Variants in EFCAB3 observed in about 807,000 individuals in gnomAD.
EFCAB3 encodes the protein EF-hand calcium-binding domain-containing protein 3.
EFCAB3 carries 36 observed loss-of-function variants against 42.2 expected under a neutral mutation model. That is an observed-to-expected ratio of 0.85 (90% CI 0.65 to 1.13). The LOEUF is 1.13. EFCAB3 is among the 50% of genes most tolerant of loss of function. EFCAB3 has a pLI of 0.00. For missense variants in EFCAB3, 418 were observed against 505.1 expected, an observed-to-expected ratio of 0.83 and a Z score of 1.65; for synonymous variants, 170 against 172.8, an observed-to-expected ratio of 0.98 and a Z score of 0.13.
intron 6 of EFCAB3, among the ~76,000 whole-genome samples, chr17:62,400,727 C>T (rs1436420187): frequency 6.6e-6 from 1 of 152,126 alleles, no homozygotes; most frequent in East Asian, 1.9e-4. Context: ...GATTTATAAT[C>T]ATTTGGGTAT....
At chr17:62,398,510 A>G (rs1052604902) in intron 6 of EFCAB3, among the ~76,000 whole-genome samples, 1 of 151,588 alleles carries the variant, frequency 6.6e-6, no homozygotes, top group South Asian at 2.1e-4. Context: ...AAAAAAAAAA[A>G]AAACAAAAAA....
In EFCAB3 at chr17:62,407,204, A is replaced by G. The variant is rs1218916269; in HGVS notation, c.859A>G (p.Lys287Glu). ...TTATTTTTTCCATAAAAGAGACTGG[A>G]AAACACAGGTGAGATTTAGATTATG... ...EDYFFHKRDW[K>E]TQAANIKSMD... Residue 287 changes from lysine (K) to glutamate (E), a missense_variant, in exon 8 of 10, where the codon AAA (lysine) becomes GAA (glutamate). By Grantham distance (56) the Lys-to-Glu change is moderately conservative. Coordinates refer to ENST00000305286, the MANE Select transcript of EFCAB3 (RefSeq NM_173503.4). 3 of 1,582,808 alleles carry G rather than the reference A, an allele frequency of 1.9e-6. No individual in the cohort carries two copies. The highest frequency in any genetic ancestry group is 2.6e-6 in the Non-Finnish European group (3 of 1,169,172).
upstream of EFCAB3, among the ~76,000 whole-genome samples, chr17:62,380,144 G>A (rs1001987896): frequency 3.3e-5 from 5 of 152,130 alleles, no homozygotes; most frequent in African/African-American, 1.2e-4. Context: ...TGGGATTACA[G>A]GTGTGCACCA....
intron 6 of EFCAB3, among the ~76,000 whole-genome samples, chr17:62,398,785 G>C (rs1002665743): frequency 3.3e-5 from 5 of 152,092 alleles, no homozygotes; most frequent in African/African-American, 1.2e-4. Flanking sequence ...TAAATATACG[G>C]AAGTAACATA....
At chr17:62,373,523 A>C (rs2070128995) in intron 1 of EFCAB3, among the ~76,000 whole-genome samples, 2 of 151,894 alleles carry the variant, frequency 1.3e-5, no homozygotes, top group South Asian at 4.2e-4. Context: ...CAGGAGGCTG[A>C]GGTGAGAGTA....
At chr17:62,384,903 C>G (rs2070235251) in intron 2 of EFCAB3, among the ~76,000 whole-genome samples, 1 of 152,154 alleles carries the variant, frequency 6.6e-6, no homozygotes, top group Admixed American at 6.6e-5. Flanking sequence ...ATGAGGCATT[C>G]AACACTTTAT....
chr17:62,395,455 C>T (rs1054470103), intron 6 of EFCAB3, among the ~76,000 whole-genome samples: 2 of 152,168 alleles, frequency 1.3e-5, no homozygotes, highest in African/African-American at 2.4e-5. Context: ...AAATTTTAGC[C>T]TCCTCTATCT....
At chr17:62,381,298 T>G (rs978429762) in intron 1 of EFCAB3, among the ~76,000 whole-genome samples, 7 of 152,054 alleles carry the variant, frequency 4.6e-5, no homozygotes, top group African/African-American at 1.7e-4. Context: ...GGTTTCCAGC[T>G]TCATCCATGT....
rs371653126 is a variant in EFCAB3, at chr17:62,400,769, G to C, written c.488+5581G>C. Among the ~76,000 whole-genome samples the C allele has an allele frequency of 5.3e-5, 8 of 152,226 alleles. No homozygotes were observed. In the East Asian group the frequency reaches 1.5e-3, roughly 29 times the overall value. Reference sequence around the variant, plus strand: ...AGTAATGGGATTGCTGGGTCAAATGGTATTTCTATTTCTAGATCCTTGAGG... The same window carrying C: ...AGTAATGGGATTGCTGGGTCAAATGCTATTTCTATTTCTAGATCCTTGAGG... On this transcript the variant is annotated intron_variant, in intron 6 of 9. Transcript: ENST00000305286.
intron 3 of EFCAB3, among the ~76,000 whole-genome samples, chr17:62,389,911 T>C (rs889236731): frequency 2.0e-5 from 3 of 152,046 alleles, no homozygotes; most frequent in Non-Finnish European, 4.4e-5. Flanking sequence ...CTCAGCCTCT[T>C]GAGTAGCTGG....
chr17:62,398,234 C>G (rs2070369288), intron 6 of EFCAB3: 1 of 160,226 alleles, frequency 6.2e-6, no homozygotes. Context: ...CAGGTGGATT[C>G]CTTGAAGCCA....
At chr17:62,396,140 T>A (rs576910443) in intron 6 of EFCAB3, among the ~76,000 whole-genome samples, 1 of 152,260 alleles carries the variant, frequency 6.6e-6, no homozygotes, top group Admixed American at 6.5e-5. Flanking sequence ...TATAGGACAA[T>A]TGTGGGGCTG....
chr17:62,379,739 A>G (rs887456979), upstream of EFCAB3, among the ~76,000 whole-genome samples: 6 of 152,154 alleles, frequency 3.9e-5, no homozygotes, highest in South Asian at 2.1e-4. Context: ...TAGACTAAAG[A>G]CACTCCTAAC....
rs374368651 is a variant in EFCAB3 at position 62,391,792 on chromosome 17, G to A, written c.152-30G>A. ...TGTATGTACTTCTTCTTGAACAACT[G>A]TCCTGAATAACTTAATCCTATCTCC... On this transcript the variant is annotated intron_variant, in intron 3 of 9. Coordinates refer to ENST00000305286, the MANE Select transcript of EFCAB3 (RefSeq NM_173503.4). 5.6e-6 allele frequency: 9 copies of A among 1,610,114 alleles called. No individual in the cohort carries two copies. In the African/African-American group the frequency reaches 9.4e-5, roughly 17 times the overall value.
At chr17:62,372,712 C>T (rs2070122789) in intron 1 of EFCAB3, among the ~76,000 whole-genome samples, 1 of 152,204 alleles carries the variant, frequency 6.6e-6, no homozygotes, top group South Asian at 2.1e-4. Flanking sequence ...TATCCTGCCT[C>T]TAAAAAGGCA....
At chr17:62,374,842 G>A (rs1026922289) in intron 2 of EFCAB3, among the ~76,000 whole-genome samples, 13 of 152,202 alleles carry the variant, frequency 8.5e-5, no homozygotes, top group Non-Finnish European at 2.9e-5. Flanking sequence ...GCAGGGCATG[G>A]TGGCTCACTT....
chr17:62,387,187 A>G (rs2070259414), intron 2 of EFCAB3, among the ~76,000 whole-genome samples, 153 bp from the exon 3 acceptor site: 1 of 152,190 alleles, frequency 6.6e-6, no homozygotes, highest in Admixed American at 6.5e-5. Flanking sequence ...TCCTGTAGCT[A>G]TGGGCTATCC....
chr17:62,374,808 CTG>C (rs1435789721), intron 2 of EFCAB3, among the ~76,000 whole-genome samples: 1 of 152,136 alleles, frequency 6.6e-6, no homozygotes, highest in Non-Finnish European at 1.5e-5. Flanking sequence ...GCAAGCCTGA[CTG>C]TGTTTCAAAA....
chr17:62,370,359 G>T, intron 1 of EFCAB3: 1 of 1,550,102 alleles, frequency 6.5e-7, no homozygotes, highest in African/African-American at 1.4e-5. Context: ...TACCTTCTTA[G>T]AAGTGTATTT....
Sources: gnomAD v4.1 joint callset for allele counts (sites outside exome capture counted in the v4.1 genomes callset) on GRCh38, gnomAD v4.1.1 for gene constraint, MANE v1.5 for transcripts, NCBI Gene and HGNC (gene_info 2026-07-23, HGNC 2026-07-21) for gene names.